Variants in PTPRD observed in about 807,000 individuals in gnomAD.
PTPRD encodes the protein protein tyrosine phosphatase receptor type D.
A neutral mutation model predicts 214.5 loss-of-function variants in PTPRD; 34 were observed. The observed-to-expected ratio is 0.16, with a 90% CI of 0.12 to 0.21. The LOEUF (loss-of-function observed/expected upper bound fraction) is 0.21. Ranked by LOEUF, PTPRD falls within the 10% of genes least tolerant of loss-of-function variation. The pLI is 1.00. For missense variants in PTPRD, 2,545 were observed against 2,398.7 expected (o/e 1.06, Z -1.27); for synonymous variants, 1,128 against 845.7 (o/e 1.33, Z -5.79).
intron 11 of PTPRD, among the ~76,000 whole-genome samples, chr9:8,907,393 C>T (rs1025035834): frequency 1.3e-5 from 2 of 151,198 alleles, no homozygotes; most frequent in African/African-American, 4.9e-5. Context: ...TGGTGGTCAC[C>T]TGTAATCCCA....
chr9:10,365,567 A>G lies in PTPRD; in HGVS notation c.-599-24550T>C, dbSNP rs141497134. On this transcript the variant is annotated intron_variant, in intron 2 of 45. Coordinates refer to ENST00000381196, the MANE Select transcript of PTPRD (RefSeq NM_002839.4). The stretch of plus-strand genomic sequence containing the variant: ...GAATGTACTTTATCACTGACTTTCT[A>G]TCGTACTTTAAATGTATTTTCTGAG... Among the ~76,000 whole-genome samples, 508 of 152,214 alleles carry G rather than the reference A, an allele frequency of 3.3e-3. 6 individuals are homozygous for G. Among genetic ancestry groups the G allele is most frequent in the African/African-American group, 0.012 (481 of 41,528 alleles).
chr9:9,716,432 G>T (rs975501285), intron 7 of PTPRD, among the ~76,000 whole-genome samples: 3 of 151,906 alleles, frequency 2.0e-5, no homozygotes, highest in Admixed American at 6.6e-5. Context: ...TCGCCACACT[G>T]ACTTCCACAA....
chr9:8,977,794 A>C (rs139234872), intron 11 of PTPRD, among the ~76,000 whole-genome samples: 116 of 152,080 alleles, frequency 7.6e-4, no homozygotes, highest in African/African-American at 2.7e-3. Flanking sequence ...GAGAGTTTTA[A>C]ATTAACTTAT....
At position 10,268,347 on chromosome 9, in the gene PTPRD, CAG is replaced by C. The variant is rs1258972390; in HGVS notation, c.-545+72614_-545+72615del. Among the ~76,000 whole-genome samples, 4 of 150,268 alleles carry C rather than the reference CAG, an allele frequency of 2.7e-5. 1 individual carries two copies. The Middle Eastern group carries it at 0.01, about 391-fold the overall frequency. ...ATAATAATAATAATAGTGGTTATAA[CAG>C]AGGGGCAGCATTTTTTATTTGTTAT... On this transcript the variant is annotated intron_variant, in intron 3 of 45. Coordinates refer to ENST00000381196, the MANE Select transcript of PTPRD (RefSeq NM_002839.4).
intron 34 of PTPRD, among the ~76,000 whole-genome samples, chr9:8,440,854 C>A (rs980635369): frequency 3.9e-5 from 6 of 152,104 alleles, no homozygotes; most frequent in Non-Finnish European, 7.4e-5. Context: ...TGAGAGGCAC[C>A]TTAGAGATGA....
At chr9:8,492,819 T>C in intron 27 of PTPRD, 43 bp downstream of exon 27, 3 of 1,430,848 alleles carry the variant, frequency 2.1e-6, no homozygotes, top group Non-Finnish European at 2.0e-6. Flanking sequence ...TTTAAAAAGT[T>C]AGTATTACTG....
At chr9:9,883,076 G>C (rs1035829888) in intron 5 of PTPRD, among the ~76,000 whole-genome samples, 1 of 152,100 alleles carries the variant, frequency 6.6e-6, no homozygotes, top group Non-Finnish European at 1.5e-5. Context: ...TCAGAACTAT[G>C]AGCCATATAA....
At chr9:9,501,760 A>G (rs1292893863) in intron 8 of PTPRD, among the ~76,000 whole-genome samples, 1 of 151,970 alleles carries the variant, frequency 6.6e-6, no homozygotes, top group East Asian at 1.9e-4. Flanking sequence ...AATAAGATTC[A>G]GACAGGACCA....
chr9:9,753,873 A>T (rs2098544920), intron 6 of PTPRD, among the ~76,000 whole-genome samples: 1 of 152,010 alleles, frequency 6.6e-6, no homozygotes, highest in Non-Finnish European at 1.5e-5. Context: ...GAATCCATGC[A>T]AATTCTTCCC....
At chr9:10,027,014 A>G (rs2096935918) in intron 4 of PTPRD, among the ~76,000 whole-genome samples, 1 of 152,184 alleles carries the variant, frequency 6.6e-6, no homozygotes, top group Non-Finnish European at 1.5e-5. Flanking sequence ...ATTGTCTGCA[A>G]TAATAAAGCA....
intron 3 of PTPRD, among the ~76,000 whole-genome samples, chr9:10,052,614 C>A (rs1442306958): frequency 6.6e-6 from 1 of 152,160 alleles, no homozygotes; most frequent in East Asian, 1.9e-4. Flanking sequence ...ATTACCATCT[C>A]TATTTATATT....
At chr9:8,524,606 A>G (rs1467916699) in intron 18 of PTPRD, among the ~76,000 whole-genome samples, 1 of 152,168 alleles carries the variant, frequency 6.6e-6, no homozygotes, top group Non-Finnish European at 1.5e-5. Flanking sequence ...ACAGAAAAAA[A>G]GAGAAAGAAA....
intron 2 of PTPRD, among the ~76,000 whole-genome samples, chr9:10,429,985 C>A (rs1208743438): frequency 6.6e-6 from 1 of 151,938 alleles, no homozygotes; most frequent in African/African-American, 2.4e-5. Context: ...CCACTGCTCT[C>A]ACCAGCTCCC....
At chr9:9,840,376 T>C (rs539951913) in intron 5 of PTPRD, among the ~76,000 whole-genome samples, 5 of 152,188 alleles carry the variant, frequency 3.3e-5, no homozygotes, top group East Asian at 1.9e-4. Flanking sequence ...ATTTGAAAAA[T>C]AGACTTTGTT....
intron 44 of PTPRD, among the ~76,000 whole-genome samples, chr9:8,322,254 G>A (rs551002231): frequency 6.6e-6 from 1 of 152,310 alleles, no homozygotes; most frequent in East Asian, 1.9e-4. Context: ...GTGAAAGGGA[G>A]AGTCGCGTGT....
intron 3 of PTPRD, among the ~76,000 whole-genome samples, chr9:10,225,848 T>C: frequency 6.6e-6 from 1 of 152,096 alleles, no homozygotes; most frequent in East Asian, 1.9e-4. Context: ...AAGACATCTT[T>C]ATCCATCAAC....
At chr9:8,491,654 T>C (rs144069012) in intron 27 of PTPRD, among the ~76,000 whole-genome samples, 157 of 138,970 alleles carry the variant, frequency 1.1e-3, no homozygotes, top group African/African-American at 4.0e-3. Context: ...GATACAATGG[T>C]ATTTAAAAAA....
chr9:8,946,633 T>C (rs1054698685), intron 11 of PTPRD, among the ~76,000 whole-genome samples: 26 of 152,248 alleles, frequency 1.7e-4, no homozygotes, highest in Admixed American at 1.4e-3. Context: ...GGATTCTTCT[T>C]TGTCTGATGT....
chr9:8,684,756 G>C (rs931097559), intron 12 of PTPRD, among the ~76,000 whole-genome samples: 2 of 152,082 alleles, frequency 1.3e-5, no homozygotes, highest in African/African-American at 4.8e-5. Context: ...GCTGTGTTTT[G>C]ATTTTAAGGG....
Sources: gnomAD v4.1 joint callset for allele counts (sites outside exome capture counted in the v4.1 genomes callset) on GRCh38, gnomAD v4.1.1 for gene constraint, MANE v1.5 for transcripts, NCBI Gene and HGNC (gene_info 2026-07-23, HGNC 2026-07-21) for gene names.